The following METAP1D variants were observed in gnomAD, a reference collection of about 807,000 sequenced individuals.
METAP1D encodes methionine aminopeptidase 1D, mitochondrial.
METAP1D carries 31 observed loss-of-function variants against 40.5 expected under a neutral mutation model. The observed-to-expected ratio is 0.77, with a 90% CI of 0.58 to 1.03. The LOEUF is 1.03. METAP1D is among the 50% of genes least tolerant of loss of function. The pLI, the probability that METAP1D is intolerant of heterozygous loss-of-function variation, is 0.00. For synonymous variants in METAP1D, 151 were observed against 146.4 expected (o/e 1.03, Z -0.22); for missense variants, 411 against 420.7 (o/e 0.98, Z 0.20).
At chr2:172,024,495 C>T (rs1011608255) in intron 1 of METAP1D, among the ~76,000 whole-genome samples, 1 of 152,072 alleles carries the variant, frequency 6.6e-6, no homozygotes, top group Non-Finnish European at 1.5e-5. Flanking sequence ...AACCAATGAC[C>T]TCTCCAGGCA....
chr2:172,012,804 AT>A (rs1688762032), intron 1 of METAP1D, among the ~76,000 whole-genome samples: 1 of 152,170 alleles, frequency 6.6e-6, no homozygotes, highest in African/African-American at 2.4e-5. Context: ...CTGCATGCAT[AT>A]TAATCATTCC....
chr2:172,010,916 G>A (rs1688703993), intron 1 of METAP1D, among the ~76,000 whole-genome samples: 1 of 151,106 alleles, frequency 6.6e-6, no homozygotes, highest in Non-Finnish European at 1.5e-5. Flanking sequence ...CACCACACCT[G>A]GCTAACTTGT....
intron 1 of METAP1D, among the ~76,000 whole-genome samples, chr2:172,012,302 A>G (rs1053954951): frequency 5.3e-5 from 8 of 152,202 alleles, no homozygotes; most frequent in African/African-American, 1.7e-4. Context: ...TGCTCTGTGC[A>G]TAGCAGCTGT....
At chr2:172,026,873 A>C (rs1019638084) in intron 1 of METAP1D, among the ~76,000 whole-genome samples, 2 of 152,148 alleles carry the variant, frequency 1.3e-5, no homozygotes, top group African/African-American at 2.4e-5. Flanking sequence ...GAAGGGGATA[A>C]ATTTTTATTA....
At chr2:172,032,788 C>A (rs1559001869) in intron 1 of METAP1D, among the ~76,000 whole-genome samples, 1 of 152,176 alleles carries the variant, frequency 6.6e-6, no homozygotes, top group Admixed American at 6.5e-5. Context: ...TGAGGCCGGG[C>A]GTGGTGGCTC....
intron 1 of METAP1D, among the ~76,000 whole-genome samples, chr2:172,039,980 T>C (rs72892859): frequency 0.2 from 26,524 of 134,152 alleles, 2,671 homozygotes; most frequent in Middle Eastern, 0.29. Context: ...CAGCCAAAAC[T>C]TTTTTTTGTT....
At chr2:172,040,406 A>G (rs1689490448) in intron 1 of METAP1D, among the ~76,000 whole-genome samples, 1 of 152,188 alleles carries the variant, frequency 6.6e-6, no homozygotes, top group Admixed American at 6.5e-5. Context: ...ACTATATGGC[A>G]TAGTGATTTT....
At chr2:172,042,969 A>ATG (rs1689638834) in intron 1 of METAP1D, among the ~76,000 whole-genome samples, 2 of 113,376 alleles carry the variant, frequency 1.8e-5, no homozygotes, top group South Asian at 5.6e-4. Context: ...ATATATGCGT[A>ATG]CATGTGCATA....
chr2:172,048,948 TG>T (rs1487556315), intron 1 of METAP1D, among the ~76,000 whole-genome samples: 1 of 152,172 alleles, frequency 6.6e-6, no homozygotes, highest in Non-Finnish European at 1.5e-5. Flanking sequence ...TTTTGGTGGT[TG>T]GGGTGGTTTT....
intron 7 of METAP1D, among the ~76,000 whole-genome samples, chr2:172,078,647 G>T (rs1189341022): frequency 6.6e-6 from 1 of 152,182 alleles, no homozygotes; most frequent in South Asian, 2.1e-4. Context: ...CACCCAGCAG[G>T]TCCAAACCCT....
At chr2:172,056,701 A>G (rs1039211115) in intron 1 of METAP1D, among the ~76,000 whole-genome samples, 2 of 152,210 alleles carry the variant, frequency 1.3e-5, no homozygotes, top group African/African-American at 2.4e-5. Context: ...TTTATGGAGC[A>G]CCTATTTTTT....
intron 5 of METAP1D, among the ~76,000 whole-genome samples, chr2:172,068,309 G>C (rs1204089279): frequency 2.0e-5 from 3 of 152,024 alleles, no homozygotes; most frequent in Non-Finnish European, 4.4e-5. Flanking sequence ...AGGGAGAATT[G>C]CTTGAACCTG....
rs1227687303 is a variant in METAP1D, at chr2:172,004,429, T to G, written c.40+4420T>G. The stretch of plus-strand genomic sequence containing the variant: ...ACCTCTGCCACCCAAATTCAAGTGA[T>G]TCTCCTGCCTCAGCCTCTTGAGTAG... On this transcript the variant is annotated intron_variant, in intron 1 of 9. Coordinates refer to ENST00000315796, the MANE Select transcript of METAP1D (RefSeq NM_199227.3). Among the ~76,000 whole-genome samples, 3 of 152,118 alleles carry G rather than the reference T, an allele frequency of 2.0e-5. No homozygotes were observed. The East Asian group carries it at 5.8e-4, about 29-fold the overall frequency.
At chr2:172,045,733 A>ATGTG (rs1177519361) in intron 1 of METAP1D, among the ~76,000 whole-genome samples, 21,236 of 70,778 alleles carry the variant, frequency 0.3, 3,073 homozygotes, top group Non-Finnish European at 0.38. Context: ...GTGTGTGTGT[A>ATGTG]TATATATGTG....
Position 172,070,809 on chromosome 2 carries a change from A to AAC in METAP1D, c.541-96_541-95dup, listed in dbSNP as rs2308275. 8,807 of 958,112 alleles carry AAC rather than the reference A, an allele frequency of 9.2e-3. 552 individuals are homozygous for AAC. In the African/African-American group the frequency reaches 0.13, roughly 14 times the overall value. 59.4% of individuals were successfully genotyped at this position (958,112 alleles called of 1,614,324 possible). On this transcript the variant is annotated intron_variant, in intron 5 of 9. Coordinates refer to ENST00000315796, the MANE Select transcript of METAP1D (RefSeq NM_199227.3). ...CAAATGAATAATTCTGGAAGGGTAA[A>AAC]ACATGAGTCTACTAAATACATAAAT...
At chr2:172,080,072 C>T in intron 8 of METAP1D, 56 bp from the exon 9 acceptor site, 1 of 1,465,984 alleles carries the variant, frequency 6.8e-7, no homozygotes, top group Non-Finnish European at 9.4e-7. Context: ...CAGCCGGAAA[C>T]AATGTTTAAC....
chr2:172,042,484 C>T (rs1574117137), intron 1 of METAP1D, among the ~76,000 whole-genome samples: 1 of 46,574 alleles, frequency 2.1e-5, no homozygotes, highest in African/African-American at 8.9e-5. Context: ...TGTGTGTGTA[C>T]ATGTGTACAT....
chr2:172,036,585 T>C (rs1689393446), intron 1 of METAP1D, among the ~76,000 whole-genome samples: 1 of 151,744 alleles, frequency 6.6e-6, no homozygotes, highest in Non-Finnish European at 1.5e-5. Flanking sequence ...CAGGATGGTC[T>C]CGATCTCCTG....
chr2:172,012,993 T>C (rs945589846), intron 1 of METAP1D, among the ~76,000 whole-genome samples: 3 of 152,218 alleles, frequency 2.0e-5, no homozygotes, highest in African/African-American at 7.2e-5. Flanking sequence ...CCAATTCTTA[T>C]TGTGACTGTA....
Sources: gnomAD v4.1 joint callset for allele counts (sites outside exome capture counted in the v4.1 genomes callset) on GRCh38, gnomAD v4.1.1 for gene constraint, MANE v1.5 for transcripts, NCBI Gene and HGNC (gene_info 2026-07-23, HGNC 2026-07-21) for gene names.